FAM161A: variants seen among roughly 807,000 people sequenced by gnomAD.
FAM161A encodes the protein FAM161 centrosomal protein A, also known as protein FAM161A.
FAM161A carries 57 observed loss-of-function variants against 70.9 expected under a neutral mutation model. That is an observed-to-expected ratio of 0.80 (90% confidence interval 0.65 to 1.00). The LOEUF (loss-of-function observed/expected upper bound fraction) is 1.00, where lower values mean the gene tolerates loss of function less well. FAM161A is among the 50% of genes least tolerant of loss of function. The pLI is 0.00. For synonymous variants in FAM161A, 299 were observed against 295.7 expected (o/e 1.01, Z -0.12); for missense variants, 880 against 836.0 (o/e 1.05, Z -0.65).
chr2:61,832,263 A>AC (rs1672610316), intron 5 of FAM161A, among the ~76,000 whole-genome samples: 1 of 149,078 alleles, frequency 6.7e-6, no homozygotes, highest in East Asian at 2.0e-4. Context: ...AAAAAAACCA[A>AC]CAACAACAAC....
At chr2:61,822,782 G>T (rs930383994), downstream of FAM161A, among the ~76,000 whole-genome samples, 3 of 151,688 alleles carry the variant, frequency 2.0e-5, no homozygotes, top group African/African-American at 7.3e-5. Flanking sequence ...TAGAGACGGG[G>T]TTTCACCATG....
chr2:61,810,720 A>G, the FAM161A span, among the ~76,000 whole-genome samples: 1 of 151,682 alleles, frequency 6.6e-6, no homozygotes, highest in African/African-American at 2.4e-5. Flanking sequence ...TCAGCCTCCC[A>G]AAGTGCTGGG....
chr2:61,809,241 T>G, the FAM161A span, among the ~76,000 whole-genome samples: 7 of 152,130 alleles, frequency 4.6e-5, no homozygotes, highest in Non-Finnish European at 7.4e-5. Context: ...ACCTGCTGCT[T>G]CTTCTCAGCC....
At chr2:61,822,706 C>G (rs1261627500), downstream of FAM161A, among the ~76,000 whole-genome samples, 1 of 152,186 alleles carries the variant, frequency 6.6e-6, no homozygotes, top group Admixed American at 6.5e-5. Flanking sequence ...CCTGCCTCAG[C>G]CTCCCAAATG....
chr2:61,848,654 T>C (rs1673317393), intron 1 of FAM161A, among the ~76,000 whole-genome samples: 1 of 150,512 alleles, frequency 6.6e-6, no homozygotes, highest in African/African-American at 2.4e-5. Context: ...CTGCAGCCTA[T>C]ATAGTTTCAT....
At chr2:61,819,444 C>G in the FAM161A span, among the ~76,000 whole-genome samples, 1 of 152,142 alleles carries the variant, frequency 6.6e-6, no homozygotes, top group African/African-American at 2.4e-5. Context: ...GCCTGGGTGA[C>G]AGAGTGAGAC....
the FAM161A span, among the ~76,000 whole-genome samples, chr2:61,816,118 TG>T: frequency 1.3e-5 from 2 of 152,238 alleles, no homozygotes; most frequent in African/African-American, 4.8e-5. Flanking sequence ...CTTGGATCTT[TG>T]GGTGGCAGTG....
At position 61,826,451 on chromosome 2, in the gene FAM161A, T is replaced by G; in HGVS notation, c.*4A>C. The G allele has an allele frequency of 1.2e-6, 2 of 1,611,032 alleles. No individual in the cohort carries two copies. The highest frequency in any genetic ancestry group is 2.2e-5 in the South Asian group (2 of 90,384). On this transcript the variant is annotated 3_prime_UTR_variant, in exon 7 of 7. Coordinates refer to ENST00000404929, the MANE Select transcript of FAM161A (RefSeq NM_001201543.2). ...CAAGGGCATAGAGAGGAGACCTTGA[T>G]GATTCAGTGTGATTCTTCAACAGAT...
intron 5 of FAM161A, among the ~76,000 whole-genome samples, chr2:61,827,670 A>T (rs1672425478): frequency 6.6e-6 from 1 of 151,886 alleles, no homozygotes; most frequent in Non-Finnish European, 1.5e-5. Flanking sequence ...TTCAGCAGTC[A>T]CAGTTGTTTG....
chr2:61,800,608 G>A, the FAM161A span, among the ~76,000 whole-genome samples: 2 of 152,166 alleles, frequency 1.3e-5, no homozygotes, highest in Non-Finnish European at 2.9e-5. Flanking sequence ...AGAGCTGAGA[G>A]TTGGCCAGAT....
At chr2:61,823,831 ATGT>A (rs1672263501), downstream of FAM161A, among the ~76,000 whole-genome samples, 1 of 152,244 alleles carries the variant, frequency 6.6e-6, no homozygotes, top group African/African-American at 2.4e-5. Flanking sequence ...CTTTTTCTTG[ATGT>A]TAGGTTACTC....
chr2:61,848,898 A>T (rs1293484157), intron 1 of FAM161A, among the ~76,000 whole-genome samples: 4 of 2,376 alleles, frequency 1.7e-3, no homozygotes, highest in Non-Finnish European at 3.4e-3. Flanking sequence ...ATATATATTT[A>T]TATATATATT....
At chr2:61,829,562 C>T (rs1672494833) in intron 5 of FAM161A, among the ~76,000 whole-genome samples, 1 of 152,046 alleles carries the variant, frequency 6.6e-6, no homozygotes, top group African/African-American at 2.4e-5. Flanking sequence ...AAAGGAAGGG[C>T]AAAATGAGAA....
rs1400248197 is a variant in FAM161A at position 61,840,546 on chromosome 2, G to A, written c.458C>T (p.Ser153Leu). The A allele has an allele frequency of 1.9e-6, 3 of 1,613,224 alleles. No homozygotes were observed. The Admixed American group carries it at 5.0e-5, about 27-fold the overall frequency. ...VSEKNSYHPV[S>L]LMTSFSEPDL... The stretch of plus-strand genomic sequence containing the variant: ...AGGCTCTGAAAATGATGTCATTAAT[G>A]AGACAGGGTGATAGGAGTTCTTTTC... Residue 153 changes from serine (S) to leucine (L), a missense_variant, in exon 3 of 7, where the codon TCA becomes TTA. Transcript: ENST00000404929.
chr2:61,823,362 C>CATATATATATATATATATATATATAT (rs59631970), downstream of FAM161A, among the ~76,000 whole-genome samples: 179 of 119,952 alleles, frequency 1.5e-3, 2 homozygotes, highest in Non-Finnish European at 1.9e-3. Flanking sequence ...AATTTTCCAT[C>CATATATATATATATATATATATATAT]ATATATATAT....
chr2:61,822,495 A>T (rs1672223130), downstream of FAM161A, among the ~76,000 whole-genome samples: 1 of 152,212 alleles, frequency 6.6e-6, no homozygotes, highest in Non-Finnish European at 1.5e-5. Flanking sequence ...GCTCCCTTCT[A>T]AACAACCACT....
chr2:61,813,047 A>G, the FAM161A span, among the ~76,000 whole-genome samples: 1 of 152,150 alleles, frequency 6.6e-6, no homozygotes, highest in Non-Finnish European at 1.5e-5. Context: ...TGGGCAACAG[A>G]GCAAGACTCC....
At chr2:61,819,327 G>T in the FAM161A span, among the ~76,000 whole-genome samples, 10 of 152,134 alleles carry the variant, frequency 6.6e-5, no homozygotes, top group Non-Finnish European at 1.5e-5. Context: ...CGGGCATGGT[G>T]GTGGCGCATG....
At chr2:61,850,005 G>A (rs750198500) in intron 1 of FAM161A, among the ~76,000 whole-genome samples, 18 of 152,072 alleles carry the variant, frequency 1.2e-4, no homozygotes, top group Non-Finnish European at 1.9e-4. Flanking sequence ...GGCGTAGGTT[G>A]AAAAACTATC....
Sources: gnomAD v4.1 joint callset for allele counts (sites outside exome capture counted in the v4.1 genomes callset) on GRCh38, gnomAD v4.1.1 for gene constraint, MANE v1.5 for transcripts, NCBI Gene and HGNC (gene_info 2026-07-23, HGNC 2026-07-21) for gene names.